The following PTPN21 variants were observed in gnomAD, a reference collection of about 807,000 sequenced individuals.
PTPN21 encodes the protein protein tyrosine phosphatase non-receptor type 21, also known as tyrosine-protein phosphatase non-receptor type 21.
Under a neutral mutation model 131.8 loss-of-function variants are expected in PTPN21, and 77 were observed. The observed-to-expected ratio is 0.58, with a 90% CI of 0.49 to 0.71. The LOEUF is 0.71. Among genes scored for constraint, PTPN21 ranks in the 30% least tolerant of loss-of-function variants. The pLI, the probability that PTPN21 is intolerant of heterozygous loss-of-function variation, is 0.00. For missense variants in PTPN21, 1,552 were observed against 1,527.1 expected (o/e 1.02, Z -0.27); for synonymous variants, 715 against 621.3 (o/e 1.15, Z -2.24).
chr14:88,527,475 A>G (rs2078496172), intron 2 of PTPN21, among the ~76,000 whole-genome samples: 2 of 152,138 alleles, frequency 1.3e-5, no homozygotes, highest in African/African-American at 4.8e-5. Context: ...TGTCTAACTC[A>G]TGTCTTTAGC....
At chr14:88,535,894 C>A (rs779850320) in intron 2 of PTPN21, among the ~76,000 whole-genome samples, 4 of 152,210 alleles carry the variant, frequency 2.6e-5, no homozygotes, top group Non-Finnish European at 5.9e-5. Flanking sequence ...GGACTATGCA[C>A]GTCCTGTTAA....
intron 12 of PTPN21, among the ~76,000 whole-genome samples, chr14:88,483,189 G>T (rs1270503194): frequency 1.4e-5 from 2 of 147,412 alleles, no homozygotes; most frequent in Admixed American, 6.8e-5. Flanking sequence ...TCCAGCCTGG[G>T]CAACAGAGTG....
intron 2 of PTPN21, among the ~76,000 whole-genome samples, chr14:88,526,957 C>T (rs1473537926): frequency 6.6e-6 from 1 of 152,160 alleles, no homozygotes; most frequent in Non-Finnish European, 1.5e-5. Flanking sequence ...TCTCCAACTC[C>T]ATCTAGGTTG....
intron 15 of PTPN21, among the ~76,000 whole-genome samples, chr14:88,471,097 T>C (rs1048559214): frequency 6.6e-6 from 1 of 152,188 alleles, no homozygotes; most frequent in South Asian, 2.1e-4. Flanking sequence ...ATTATGCTGA[T>C]ATTATATTTA....
intron 2 of PTPN21, among the ~76,000 whole-genome samples, chr14:88,517,910 C>A (rs1350355697): frequency 1.4e-5 from 2 of 140,714 alleles, no homozygotes; most frequent in Non-Finnish European, 3.1e-5. Context: ...ATATATACAC[C>A]TGTATATATA....
intron 2 of PTPN21, among the ~76,000 whole-genome samples, chr14:88,534,364 CAA>C (rs2078598815): frequency 1.5e-5 from 2 of 137,488 alleles, no homozygotes; most frequent in African/African-American, 5.5e-5. Flanking sequence ...GCCTGGGCAA[CAA>C]AGTAAGACTG....
At chr14:88,501,405 A>G (rs769540944) in intron 6 of PTPN21, 37 bp from the exon 7 acceptor site, 1 of 1,541,756 alleles carries the variant, frequency 6.5e-7, no homozygotes, top group Non-Finnish European at 9.0e-7. Flanking sequence ...TCACAAAGCA[A>G]GCTTAAAATG....
At chr14:88,542,419 C>A in intron 2 of PTPN21, among the ~76,000 whole-genome samples, 1 of 151,866 alleles carries the variant, frequency 6.6e-6, no homozygotes, top group South Asian at 2.1e-4. Flanking sequence ...TGAGTAAATT[C>A]ATGCTTAATT....
intron 2 of PTPN21, among the ~76,000 whole-genome samples, chr14:88,537,263 GA>G (rs1281716178): frequency 2.0e-5 from 3 of 152,058 alleles, no homozygotes; most frequent in Admixed American, 2.0e-4. Context: ...TATCTTTAAG[GA>G]AGAGTCAAAT....
chr14:88,519,124 T>C (rs1164321158), intron 2 of PTPN21, among the ~76,000 whole-genome samples: 1 of 152,134 alleles, frequency 6.6e-6, no homozygotes, highest in East Asian at 1.9e-4. Context: ...TGCTGTGAAA[T>C]GAAACTGTTA....
chr14:88,540,990 C>T (rs2078697442), intron 2 of PTPN21, among the ~76,000 whole-genome samples: 1 of 152,144 alleles, frequency 6.6e-6, no homozygotes, highest in African/African-American at 2.4e-5. Context: ...TTCACATGAG[C>T]TTGCCACTCA....
At chr14:88,535,913 G>A (rs561304829) in intron 2 of PTPN21, among the ~76,000 whole-genome samples, 3 of 152,312 alleles carry the variant, frequency 2.0e-5, no homozygotes, top group Non-Finnish European at 2.9e-5. Context: ...AATGGAGTTC[G>A]TTTAATTGTA....
chr14:88,473,902 G>T (rs1035790759), intron 13 of PTPN21, 100 bp from the exon 14 acceptor site: 1 of 1,055,152 alleles, frequency 9.5e-7, no homozygotes, highest in Non-Finnish European at 1.4e-6. Context: ...CAGAGGGAGT[G>T]TTCTCCTTTG....
intron 2 of PTPN21, chr14:88,547,726 C>T (rs73317757): frequency 8.4e-5 from 38 of 451,104 alleles, no homozygotes; most frequent in South Asian, 5.1e-4. Context: ...TCTTCTTCTT[C>T]GGCAGTTTCA....
At chr14:88,503,848 A>G (rs2078048567) in intron 6 of PTPN21, 1 of 152,458 alleles carries the variant, frequency 6.6e-6, no homozygotes, top group East Asian at 1.9e-4. Flanking sequence ...AAGACTTAGC[A>G]TTATCCAGAA....
chr14:88,526,722 G>C (rs1214962761), intron 2 of PTPN21, among the ~76,000 whole-genome samples: 2 of 151,814 alleles, frequency 1.3e-5, no homozygotes, highest in African/African-American at 4.8e-5. Flanking sequence ...ACATTCTTTA[G>C]TGGTGATTTC....
chr14:88,490,470 T>C (rs954578781), intron 10 of PTPN21, among the ~76,000 whole-genome samples: 14 of 152,120 alleles, frequency 9.2e-5, no homozygotes, highest in African/African-American at 3.4e-4. Flanking sequence ...CTCCCACCTC[T>C]TCCTGCCCTG....
intron 8 of PTPN21, among the ~76,000 whole-genome samples, chr14:88,498,101 A>T (rs764915126): frequency 0.014 from 1,824 of 125,796 alleles, 12 homozygotes; most frequent in Non-Finnish European, 0.02. Context: ...AACTCTGTCT[A>T]AAAAAAAAAA....
rs973906209 is a variant in PTPN21, at chr14:88,479,390, T to C, written c.2041A>G (p.Arg681Gly). The change falls in exon 13 of 19, where the codon AGG becomes GGG. Residue 681 changes from arginine to glycine, a missense_variant. This residue lies in a region of PTPN21 where 1,016 missense variants were observed against 883.5 expected (regional missense o/e 1.15). Coordinates refer to ENST00000556564, the MANE Select transcript of PTPN21 (RefSeq NM_007039.4). ...TCCTCCGGCCCTTCTCGCTGTGTCC[T>C]CTCGGTGAAAACGCTGGGCTGGGAG... ...VGSQPSVFTE[R>G]TQREGPEEAE... 7.5e-6 allele frequency: 12 copies of C among 1,605,980 alleles called. No individual in the cohort carries two copies. In the Admixed American group the frequency reaches 1.2e-4, roughly 16 times the overall value.
Sources: gnomAD v4.1 joint callset for allele counts (sites outside exome capture counted in the v4.1 genomes callset) on GRCh38, gnomAD v4.1.1 for gene constraint, gnomAD v4.1.1 regional missense constraint, MANE v1.5 for transcripts, NCBI Gene and HGNC (gene_info 2026-07-23, HGNC 2026-07-21) for gene names.